The following PTPRN2 variants were observed in gnomAD, a reference collection of about 807,000 sequenced individuals.
The protein encoded by PTPRN2 is receptor-type tyrosine-protein phosphatase N2.
A neutral mutation model predicts 118.8 loss-of-function variants in PTPRN2; 74 were observed. The observed-to-expected ratio is 0.62, with a 90% CI of 0.52 to 0.76. The LOEUF (loss-of-function observed/expected upper bound fraction) is 0.76. Among genes scored for constraint, PTPRN2 ranks in the 30% least tolerant of loss-of-function variants. The pLI is 0.00. For missense variants in PTPRN2, 1,481 were observed against 1,394.4 expected (o/e 1.06, Z -0.99); for synonymous variants, 641 against 608.0 (o/e 1.05, Z -0.80).
At chr7:158,004,543 A>G (rs11531435) in intron 11 of PTPRN2, among the ~76,000 whole-genome samples, 125,056 of 152,174 alleles carry the variant, frequency 0.82, 51,595 homozygotes, top group East Asian at 0.89. Flanking sequence ...GCTTGTTTAC[A>G]TTATATTTCT....
rs1799241109 is a variant in PTPRN2 at position 157,929,540 on chromosome 7, T to C, written c.1724-30803A>G. On this transcript the variant is annotated intron_variant, in intron 11 of 22. Transcript: ENST00000389418. This position sits in a 1 kb window ranked among gnomAD's most constrained non-coding sequence, Gnocchi z 4.4. ...CCCAACAGAGGCTGGTCATAGTTTT[T>C]GCCCTGGAATTCCCCTCCTTTTACC... is the stretch of plus-strand genomic sequence containing the variant. 6.6e-6 allele frequency among the ~76,000 whole-genome samples: 1 copy of C among 152,132 alleles called. No homozygotes were observed. Among genetic ancestry groups the C allele is most frequent in the Non-Finnish European group, 1.5e-5 (1 of 68,016 alleles).
At position 157,899,685 on chromosome 7, in the gene PTPRN2, C is replaced by T. The variant is rs193156158; in HGVS notation, c.1724-948G>A. ...TGAAATTATTCCTTTCGGAGAGGGA[C>T]GCGATGAGATCTTGTTACAGCCTGC... On this transcript the variant is annotated intron_variant, in intron 11 of 22. Coordinates refer to ENST00000389418, the MANE Select transcript of PTPRN2 (RefSeq NM_002847.5). Among the ~76,000 whole-genome samples, 508 of 152,248 alleles carry T rather than the reference C, an allele frequency of 3.3e-3. 9 individuals carry two copies. The highest frequency in any genetic ancestry group is 9.6e-4 in the Non-Finnish European group (65 of 68,018).
intron 3 of PTPRN2, among the ~76,000 whole-genome samples, chr7:158,269,156 C>T (rs778030982): frequency 1.3e-5 from 2 of 152,156 alleles, no homozygotes; most frequent in Non-Finnish European, 2.9e-5. Context: ...GTTGGAGTGG[C>T]CTTCAGGGAA....
chr7:158,229,968 G>A (rs1402286997), intron 3 of PTPRN2, among the ~76,000 whole-genome samples: 1 of 152,062 alleles, frequency 6.6e-6, no homozygotes, highest in African/African-American at 2.4e-5. Flanking sequence ...AAAAGTCAAG[G>A]ACAAAGAGAG....
At chr7:158,263,088 CACAT>C (rs1797625733) in intron 3 of PTPRN2, among the ~76,000 whole-genome samples, 1 of 140,616 alleles carries the variant, frequency 7.1e-6, no homozygotes, top group African/African-American at 2.8e-5. Context: ...ACACACCACA[CACAT>C]TCACACACTG....
chr7:157,828,744 G>T (rs1249679098), intron 12 of PTPRN2, among the ~76,000 whole-genome samples: 1 of 152,200 alleles, frequency 6.6e-6, no homozygotes, highest in Non-Finnish European at 1.5e-5. Flanking sequence ...CTGCCAAACA[G>T]CTGACAAGTA....
At chr7:158,186,352 A>T (rs1286520675) in intron 5 of PTPRN2, among the ~76,000 whole-genome samples, 2 of 151,428 alleles carry the variant, frequency 1.3e-5, no homozygotes, top group African/African-American at 4.9e-5. Context: ...GGAGGGGGAT[A>T]GTCTCCTGGC....
chr7:157,602,397 G>A (rs1638010), intron 16 of PTPRN2, among the ~76,000 whole-genome samples: 2 of 151,584 alleles, frequency 1.3e-5, no homozygotes, highest in African/African-American at 4.9e-5. Context: ...ATCAGTGGCC[G>A]CTGAGACCAG....
intron 11 of PTPRN2, among the ~76,000 whole-genome samples, chr7:158,079,631 A>G (rs1222037929): frequency 3.3e-5 from 5 of 151,874 alleles, no homozygotes; most frequent in Non-Finnish European, 7.3e-5. Context: ...ATAATTATCA[A>G]TGCATTTCTG....
At chr7:157,993,773 G>A (rs1345587139) in intron 11 of PTPRN2, among the ~76,000 whole-genome samples, 3 of 152,178 alleles carry the variant, frequency 2.0e-5, no homozygotes, top group Admixed American at 6.5e-5. Context: ...GATTTGAGAT[G>A]AGTGTTGACC....
In PTPRN2 at chr7:157,676,220, T is replaced by C. The variant is rs1463229775; in HGVS notation, c.2001+6505A>G. 1.3e-5 allele frequency among the ~76,000 whole-genome samples: 2 copies of C among 152,128 alleles called. No individual in the cohort carries two copies. Among genetic ancestry groups the C allele is most frequent in the African/African-American group, 4.8e-5 (2 of 41,426 alleles). Reference sequence around the variant, plus strand: ...CTCTTCCCTCTAGCCCAGTTCCTCCTGGCAGCCCTGCAAATGCCCACCCTC... The same window carrying C: ...CTCTTCCCTCTAGCCCAGTTCCTCCCGGCAGCCCTGCAAATGCCCACCCTC... On this transcript the variant is annotated intron_variant, in intron 13 of 22. Coordinates refer to ENST00000389418, the MANE Select transcript of PTPRN2 (RefSeq NM_002847.5). The surrounding 1 kb of genome is among the most constrained non-coding windows in gnomAD (Gnocchi z 5.6).
At chr7:158,391,828 C>A (rs1811954696) in intron 2 of PTPRN2, among the ~76,000 whole-genome samples, 1 of 152,236 alleles carries the variant, frequency 6.6e-6, no homozygotes, top group African/African-American at 2.4e-5. Context: ...CCCAGCCAGA[C>A]AAGGCCACAA....
intron 12 of PTPRN2, among the ~76,000 whole-genome samples, chr7:157,718,900 G>T (rs150818921): frequency 0.013 from 2,013 of 152,210 alleles, 37 homozygotes; most frequent in East Asian, 0.039. Context: ...TGGCCTCTCC[G>T]CCTCCTGCAG....
intron 11 of PTPRN2, among the ~76,000 whole-genome samples, chr7:157,966,916 C>T (rs904336369): frequency 6.6e-6 from 1 of 152,234 alleles, no homozygotes; most frequent in Non-Finnish European, 1.5e-5. Context: ...TCACCACTCT[C>T]ATCATCATTT....
rs556980531 is a variant in PTPRN2, at chr7:157,560,003, G to C, written c.2902+8899C>G. Among the ~76,000 whole-genome samples the C allele has an allele frequency of 4.1e-4, 63 of 152,330 alleles. No individual in the cohort carries two copies. The highest frequency in any genetic ancestry group is 8.5e-4 in the Non-Finnish European group (58 of 68,020). ...GGCCTGGATGGGCCTGGATGGGCTG[G>C]TGCCAGCACCCGGGACCAAGGAGGG... On this transcript the variant is annotated intron_variant, in intron 21 of 22. Transcript: ENST00000389418. The surrounding 1 kb of genome is among the most constrained non-coding windows in gnomAD (Gnocchi z 6.7).
At chr7:158,229,657 G>A (rs1056860961) in intron 3 of PTPRN2, among the ~76,000 whole-genome samples, 1 of 151,680 alleles carries the variant, frequency 6.6e-6, no homozygotes, top group Non-Finnish European at 1.5e-5. Flanking sequence ...GAATCAGTGA[G>A]CTCAAAGACA....
chr7:158,151,075 T>G (rs1018327736), intron 6 of PTPRN2, among the ~76,000 whole-genome samples: 1 of 93,448 alleles, frequency 1.1e-5, no homozygotes, highest in African/African-American at 4.4e-5. Flanking sequence ...CTTTCCACTC[T>G]TGCCCCTGCC....
intron 12 of PTPRN2, among the ~76,000 whole-genome samples, chr7:157,739,939 A>G: frequency 6.6e-6 from 1 of 152,362 alleles, no homozygotes; most frequent in South Asian, 2.1e-4. Context: ...TTCCTCTTCC[A>G]GAAGCCAGAG....
Position 158,587,813 on chromosome 7 carries a change from C to CA in PTPRN2, c.-145dup, listed in dbSNP as rs1829074941. 43 of 767,102 alleles carry CA rather than the reference C, an allele frequency of 5.6e-5. No individual in the cohort carries two copies. Among genetic ancestry groups the CA allele is most frequent in the Non-Finnish European group, 6.8e-5 (43 of 632,016 alleles). 47.5% of individuals were successfully genotyped at this position (767,102 alleles called of 1,614,324 possible). A position where few individuals can be genotyped will look rare whatever the true frequency, so the allele number is the denominator to read the frequency against. On this transcript the variant is annotated 5_prime_UTR_variant, in exon 1 of 23. Coordinates refer to ENST00000389418, the MANE Select transcript of PTPRN2 (RefSeq NM_002847.5). ...CTTGCGGCGACGCCGGGCCGAGCTTCAGCACCGGACAGCGCCCGGCCCCGC... is the reference window on the plus strand; with the variant it reads ...CTTGCGGCGACGCCGGGCCGAGCTTCAAGCACCGGACAGCGCCCGGCCCCGC...
Sources: allele counts gnomAD v4.1 joint callset (sites outside exome capture counted in the v4.1 genomes callset), GRCh38; gene constraint gnomAD v4.1.1; non-coding constraint Gnocchi (gnomAD v3.1); transcripts MANE v1.5; gene names NCBI Gene and HGNC (gene_info 2026-07-23, HGNC 2026-07-21).